NALF1: variants seen among roughly 807,000 people sequenced by gnomAD.
The protein encoded by NALF1 is family with sequence similarity 155 member A.
Under a neutral mutation model 48.4 loss-of-function variants are expected in NALF1, and 3 were observed. That is an observed-to-expected ratio of 0.06 (90% CI 0.03 to 0.16). The LOEUF is 0.16. NALF1 is among the 10% of genes least tolerant of loss of function. NALF1 has a pLI of 1.00. For synonymous variants in NALF1, 262 were observed against 245.7 expected (o/e 1.07, Z -0.62); for missense variants, 526 against 571.5 (o/e 0.92, Z 0.81).
At chr13:107,337,328 A>G (rs1882579924) in intron 1 of NALF1, among the ~76,000 whole-genome samples, 1 of 152,230 alleles carries the variant, frequency 6.6e-6, no homozygotes, top group Non-Finnish European at 1.5e-5. Context: ...AAATTCTTAA[A>G]CATTGAAACC....
At chr13:107,346,328 A>T (rs576835634) in intron 1 of NALF1, among the ~76,000 whole-genome samples, 1 of 152,326 alleles carries the variant, frequency 6.6e-6, no homozygotes, top group South Asian at 2.1e-4. Flanking sequence ...GTGCATACCC[A>T]TGTTCACTAC....
At chr13:107,490,985 T>G (rs1213009917) in intron 1 of NALF1, among the ~76,000 whole-genome samples, 2 of 152,160 alleles carry the variant, frequency 1.3e-5, no homozygotes, top group African/African-American at 4.8e-5. Flanking sequence ...ATCTTCCACA[T>G]TCAACTGAAA....
intron 1 of NALF1, among the ~76,000 whole-genome samples, chr13:107,738,433 C>G (rs1039068867): frequency 6.6e-6 from 1 of 152,112 alleles, no homozygotes; most frequent in Non-Finnish European, 1.5e-5. Context: ...CTGGACTTCA[C>G]AAAATAACCC....
intron 2 of NALF1, among the ~76,000 whole-genome samples, chr13:107,193,393 A>T (rs1178063272): frequency 6.6e-6 from 1 of 152,152 alleles, no homozygotes; most frequent in African/African-American, 2.4e-5. Flanking sequence ...TATTACTAAC[A>T]ACAACAACAA....
intron 1 of NALF1, among the ~76,000 whole-genome samples, chr13:107,271,573 A>G (rs1345980801): frequency 6.6e-6 from 1 of 151,810 alleles, no homozygotes; most frequent in Admixed American, 6.6e-5. Context: ...GAACTCAGCC[A>G]GGCTGTGCTC....
At chr13:107,356,164 T>C (rs180959318) in intron 1 of NALF1, among the ~76,000 whole-genome samples, 51 of 152,262 alleles carry the variant, frequency 3.3e-4, no homozygotes, top group South Asian at 6.2e-4. Flanking sequence ...ACTTCAGAGA[T>C]TTTCTGTGAA....
intron 1 of NALF1, among the ~76,000 whole-genome samples, chr13:107,503,783 G>A (rs1446760356): frequency 1.4e-5 from 2 of 145,628 alleles, no homozygotes; most frequent in African/African-American, 2.6e-5. Flanking sequence ...GTGTGTGTGT[G>A]TGTGTAATGA....
At chr13:107,612,053 GA>G (rs1483541778) in intron 1 of NALF1, among the ~76,000 whole-genome samples, 2 of 109,586 alleles carry the variant, frequency 1.8e-5, no homozygotes, top group East Asian at 6.5e-4. Flanking sequence ...AGGAGGGAGA[GA>G]GGGGAGTGGG....
Position 107,290,652 on chromosome 13 carries a change from C to T in NALF1, c.916-79897G>A, listed in dbSNP as rs781765350. 4.6e-5 allele frequency among the ~76,000 whole-genome samples: 7 copies of T among 152,108 alleles called. No individual in the cohort carries two copies. The East Asian group carries it at 5.8e-4, about 13-fold the overall frequency. On this transcript the variant is annotated intron_variant, in intron 1 of 2. Transcript: ENST00000375915. ...TTTCTTTATAAATTATCCAGTCTCG[C>T]GGGTATGTCTTTATCAGCAGCATGA...
intron 1 of NALF1, among the ~76,000 whole-genome samples, chr13:107,517,623 A>C (rs1363257200): frequency 6.6e-6 from 1 of 151,648 alleles, no homozygotes; most frequent in African/African-American, 2.4e-5. Context: ...TGACAGAGTG[A>C]GACGCTGTTT....
intron 1 of NALF1, among the ~76,000 whole-genome samples, chr13:107,816,793 C>T (rs1879178777): frequency 6.6e-6 from 1 of 152,050 alleles, no homozygotes; most frequent in Admixed American, 6.6e-5. Flanking sequence ...GTTGAATTTT[C>T]TTTTCATGCG....
chr13:107,299,941 C>A (rs945569235), intron 1 of NALF1, among the ~76,000 whole-genome samples: 1 of 152,130 alleles, frequency 6.6e-6, no homozygotes, highest in Non-Finnish European at 1.5e-5. Context: ...CTTGCCCCGA[C>A]CTGAGCATCA....
chr13:107,267,860 T>C (rs910951057), intron 1 of NALF1, among the ~76,000 whole-genome samples: 3 of 151,776 alleles, frequency 2.0e-5, no homozygotes, highest in African/African-American at 7.3e-5. Flanking sequence ...GCTGGTAGCA[T>C]AGACAGCCCG....
intron 1 of NALF1, among the ~76,000 whole-genome samples, chr13:107,651,036 C>T (rs1350863560): frequency 6.6e-6 from 1 of 151,820 alleles, no homozygotes; most frequent in Non-Finnish European, 1.5e-5. Flanking sequence ...ATGTGTTTAC[C>T]TATGTAACAA....
At chr13:107,503,791 T>C (rs1875603532) in intron 1 of NALF1, among the ~76,000 whole-genome samples, 1 of 133,134 alleles carries the variant, frequency 7.5e-6, no homozygotes, top group Non-Finnish European at 1.7e-5. Context: ...GTGTGTGTAA[T>C]GAAGTATTAT....
At chr13:107,538,509 CCTACA>C (rs1876906734) in intron 1 of NALF1, among the ~76,000 whole-genome samples, 1 of 152,152 alleles carries the variant, frequency 6.6e-6, no homozygotes, top group Non-Finnish European at 1.5e-5. Flanking sequence ...AAATGAAGGA[CCTACA>C]TGGAGTTCTA....
intron 1 of NALF1, among the ~76,000 whole-genome samples, chr13:107,640,822 T>C (rs1248763069): frequency 6.6e-6 from 1 of 152,224 alleles, no homozygotes; most frequent in Non-Finnish European, 1.5e-5. Flanking sequence ...ACATTCATTG[T>C]GTTTCTCTTA....
At chr13:107,666,169 G>C (rs1880853840) in intron 1 of NALF1, among the ~76,000 whole-genome samples, 1 of 152,106 alleles carries the variant, frequency 6.6e-6, no homozygotes, top group Admixed American at 6.6e-5. Context: ...TTCTGCTAAA[G>C]CTTTGGCTAA....
chr13:107,554,005 C>A (rs965087135), intron 1 of NALF1, among the ~76,000 whole-genome samples: 2 of 152,244 alleles, frequency 1.3e-5, no homozygotes, highest in African/African-American at 4.8e-5. Flanking sequence ...TACTTCATGG[C>A]TACATGCCAT....
Sources: gnomAD v4.1 joint callset for allele counts (sites outside exome capture counted in the v4.1 genomes callset) on GRCh38, gnomAD v4.1.1 for gene constraint, MANE v1.5 for transcripts, NCBI Gene and HGNC (gene_info 2026-07-23, HGNC 2026-07-21) for gene names.